Variants in RABGEF1 observed in about 807,000 individuals in gnomAD.
RABGEF1 encodes RAB guanine nucleotide exchange factor 1, also known as rab5 GDP/GTP exchange factor.
Under a neutral mutation model 57.3 loss-of-function variants are expected in RABGEF1, and 26 were observed. That is an observed-to-expected ratio of 0.45 (90% CI 0.33 to 0.63). RABGEF1 has a LOEUF of 0.63. Ranked by LOEUF, RABGEF1 falls within the 20% of genes least tolerant of loss-of-function variation. The pLI is 0.02. For synonymous variants in RABGEF1, 185 were observed against 210.7 expected (o/e 0.88, Z 1.06); for missense variants, 464 against 607.6 (o/e 0.76, Z 2.48).
chr7:66,733,591 G>A (rs1296928462), intron 2 of RABGEF1, among the ~76,000 whole-genome samples: 2 of 152,074 alleles, frequency 1.3e-5, no homozygotes, highest in Non-Finnish European at 2.9e-5. Flanking sequence ...CCAGCTACTC[G>A]GGAGGCTGAG....
At chr7:66,692,539 C>T (rs992091958) in intron 1 of RABGEF1, among the ~76,000 whole-genome samples, 4 of 152,162 alleles carry the variant, frequency 2.6e-5, no homozygotes, top group African/African-American at 9.7e-5. Context: ...CCTGCCGTCA[C>T]CTCTCCAAAA....
chr7:66,762,473 C>G (rs1416083858), intron 1 of RABGEF1, among the ~76,000 whole-genome samples: 1 of 152,050 alleles, frequency 6.6e-6, no homozygotes, highest in Non-Finnish European at 1.5e-5. Flanking sequence ...TGCTATAGTC[C>G]CAGCTACTCA....
At chr7:66,744,547 A>G (rs914590854) in intron 1 of RABGEF1, among the ~76,000 whole-genome samples, 9 of 151,536 alleles carry the variant, frequency 5.9e-5, no homozygotes, top group African/African-American at 2.2e-4. Context: ...AGGCGCCTGT[A>G]GTCCCAGCTA....
intron 1 of RABGEF1, among the ~76,000 whole-genome samples, chr7:66,703,664 C>T (rs1432059685): frequency 1.3e-5 from 2 of 151,976 alleles, no homozygotes; most frequent in Non-Finnish European, 2.9e-5. Context: ...TATGTCTGTC[C>T]TTATGGCAGT....
At chr7:66,753,455 C>G (rs1020045919) in intron 1 of RABGEF1, among the ~76,000 whole-genome samples, 1 of 152,124 alleles carries the variant, frequency 6.6e-6, no homozygotes, top group African/African-American at 2.4e-5. Flanking sequence ...ATATTACAGG[C>G]ATACTTTGGA....
rs1789072387 is a variant in RABGEF1 at position 66,808,924 on chromosome 7, G to A, written c.1116G>A (p.Gln372=). 6.2e-7 allele frequency: 1 copy of A among 1,610,896 alleles called. No individual in the cohort carries two copies. The highest frequency in any genetic ancestry group is 1.7e-4 in the Middle Eastern group (1 of 6,058). The change falls in exon 9 of 9, where the codon CAG becomes CAA. Residue 372 remains glutamine, a synonymous_variant. Coordinates refer to ENST00000284957, the MANE Select transcript of RABGEF1 (RefSeq NM_014504.3). The part of the protein sequence containing the change: ...AVAFIEKLDA[Q]SLNLSQEDFD... ...CTTTCATTGAGAAGCTAGACGCCCA[G>A]TCTTTGAATCTAAGTCAGGAGGATT...
At position 66,712,996 on chromosome 7, in the gene RABGEF1, G is replaced by C. The variant is rs1584870490; in HGVS notation, c.-815+772G>C. Among the ~76,000 whole-genome samples the C allele has an allele frequency of 2.0e-5, 3 of 151,232 alleles. No homozygotes were observed. The East Asian group carries it at 5.9e-4, about 30-fold the overall frequency. The stretch of plus-strand genomic sequence containing the variant: ...CTTGGCTAATTTTATTTTATATTTT[G>C]TAGAGATGGGGTCTTGCTTTGTTGA... On this transcript the variant is annotated intron_variant and NMD_transcript_variant, in intron 2 of 9. Transcript: ENST00000607882.
the RABGEF1 span, among the ~76,000 whole-genome samples, chr7:66,663,145 C>A: frequency 0.5 from 76,111 of 152,156 alleles, 20,037 homozygotes; most frequent in African/African-American, 0.66. Flanking sequence ...GTTAACTAAC[C>A]CAACCTATTC....
chr7:66,676,686 C>T, the RABGEF1 span, among the ~76,000 whole-genome samples: 1 of 152,152 alleles, frequency 6.6e-6, no homozygotes, highest in Non-Finnish European at 1.5e-5. Context: ...CTGCTGGGCT[C>T]AAGCGATTCT....
At chr7:66,722,046 T>C (rs1301407141) in intron 2 of RABGEF1, among the ~76,000 whole-genome samples, 1 of 152,128 alleles carries the variant, frequency 6.6e-6, no homozygotes, top group Non-Finnish European at 1.5e-5. Context: ...ATATACCTGA[T>C]GATGTCCCAG....
intron 5 of RABGEF1, among the ~76,000 whole-genome samples, chr7:66,796,294 A>C (rs1205144918): frequency 6.6e-6 from 1 of 152,198 alleles, no homozygotes; most frequent in African/African-American, 2.4e-5. Context: ...ACCTTCACTG[A>C]TACTAGACTT....
At chr7:66,776,722 GA>G (rs1461468393) in intron 3 of RABGEF1, among the ~76,000 whole-genome samples, 1 of 152,110 alleles carries the variant, frequency 6.6e-6, no homozygotes. Context: ...AAAAAAGATT[GA>G]TTACATGATT....
intron 7 of RABGEF1, among the ~76,000 whole-genome samples, chr7:66,803,775 G>A (rs1193022739): frequency 6.6e-6 from 1 of 151,892 alleles, no homozygotes; most frequent in Non-Finnish European, 1.5e-5. Context: ...TGTAGTCCCA[G>A]CTACTCAGGA....
At chr7:66,793,819 G>A (rs1444204508) in intron 4 of RABGEF1, among the ~76,000 whole-genome samples, 1 of 152,214 alleles carries the variant, frequency 6.6e-6, no homozygotes, top group Non-Finnish European at 1.5e-5. Flanking sequence ...TCCTTTTAGA[G>A]TTAAGCCAGA....
the RABGEF1 span, among the ~76,000 whole-genome samples, chr7:66,661,222 C>G: frequency 7.0e-5 from 10 of 142,950 alleles, no homozygotes; most frequent in Admixed American, 7.6e-4. Flanking sequence ...TGGCGTAAAC[C>G]CAGGAGGCTG....
At chr7:66,805,086 C>A in intron 7 of RABGEF1, 54 bp from the exon 8 acceptor site, 1 of 1,518,918 alleles carries the variant, frequency 6.6e-7, no homozygotes, top group Non-Finnish European at 9.1e-7. Context: ...TTTCCTATTG[C>A]TTCTTTTTTG....
chr7:66,729,314 G>A lies in RABGEF1; in HGVS notation c.-814-10682G>A, dbSNP rs528701172. 4.7e-4 allele frequency among the ~76,000 whole-genome samples: 13 copies of A among 27,400 alleles called. 1 individual carries two copies. The South Asian group carries it at 4.8e-3, about 10-fold the overall frequency. 18.0% of individuals were successfully genotyped at this position (27,400 alleles called of 152,430 possible). On this transcript the variant is annotated intron_variant and NMD_transcript_variant, in intron 2 of 9. Transcript: ENST00000607882. Reference sequence around the variant, plus strand: ...CCCTCCATCCTCCCCTCCATTCTTCGTTCCTCATCTCCATCCTCCCCTCTG... The same window carrying A: ...CCCTCCATCCTCCCCTCCATTCTTCATTCCTCATCTCCATCCTCCCCTCTG...
At chr7:66,706,058 G>A (rs959814674) in intron 1 of RABGEF1, among the ~76,000 whole-genome samples, 2 of 149,408 alleles carry the variant, frequency 1.3e-5, no homozygotes, top group African/African-American at 2.5e-5. Flanking sequence ...GCCCGCCACC[G>A]CGCCCGGCTA....
intron 1 of RABGEF1, among the ~76,000 whole-genome samples, chr7:66,705,439 AAGAAAGAGAGAGAGAG>A (rs1793881817): frequency 1.8e-5 from 1 of 54,976 alleles, no homozygotes; most frequent in African/African-American, 5.7e-5. Flanking sequence ...TCCATCTCGA[AAGAAAGAGAGAGAGAG>A]AGAGAGAGAG....
Sources: gnomAD v4.1 joint callset for allele counts (sites outside exome capture counted in the v4.1 genomes callset) on GRCh38, gnomAD v4.1.1 for gene constraint, MANE v1.5 for transcripts, NCBI Gene and HGNC (gene_info 2026-07-23, HGNC 2026-07-21) for gene names.